ABCA13: variants seen among roughly 807,000 people sequenced by gnomAD.
ABCA13 encodes the protein ATP-binding cassette sub-family A member 13.
A neutral mutation model predicts 478.7 loss-of-function variants in ABCA13; 476 were observed. The ratio of observed to expected loss-of-function variants is 0.99; its 90% confidence interval spans 0.92 to 1.07. ABCA13 has a LOEUF of 1.07. Among genes scored for constraint, ABCA13 ranks in the 50% least tolerant of loss-of-function variants. The probability of loss-of-function intolerance (pLI) is 0.00; values close to 1 mark genes in which losing one functional copy is unlikely to be tolerated. For missense variants in ABCA13, 6,060 were observed against 5,910.6 expected (o/e 1.03, Z -0.83); for synonymous variants, 2,252 against 2,158.9 (o/e 1.04, Z -1.20).
chr7:48,191,792 G>T (rs142572272), intron 1 of ABCA13, among the ~76,000 whole-genome samples: 1 of 152,260 alleles, frequency 6.6e-6, no homozygotes, highest in African/African-American at 2.4e-5. Flanking sequence ...ATGGCTTTAG[G>T]CCACTCATCT....
chr7:48,381,857 A>G (rs1057017070), intron 35 of ABCA13, among the ~76,000 whole-genome samples: 14 of 152,210 alleles, frequency 9.2e-5, no homozygotes, highest in African/African-American at 3.1e-4. Context: ...AGCAGGTTGT[A>G]TGTGCTTCTA....
chr7:48,307,775 G>C (rs1801132392), intron 23 of ABCA13, among the ~76,000 whole-genome samples: 1 of 152,040 alleles, frequency 6.6e-6, no homozygotes, highest in South Asian at 2.1e-4. Flanking sequence ...CCACCTCCTT[G>C]GTTCAAGCAA....
At chr7:48,358,460 A>G (rs868189007) in intron 31 of ABCA13, among the ~76,000 whole-genome samples, 75 of 152,068 alleles carry the variant, frequency 4.9e-4, no homozygotes, top group Middle Eastern at 6.8e-3. Context: ...GTAGTGTGCA[A>G]TGAAGAATAG....
intron 58 of ABCA13, among the ~76,000 whole-genome samples, chr7:48,596,920 G>A (rs1790345254): frequency 6.6e-6 from 1 of 151,976 alleles, no homozygotes; most frequent in South Asian, 2.1e-4. Context: ...CATATAATCA[G>A]TAGTCTGCTG....
At chr7:48,458,676 A>C (rs1825930903) in intron 43 of ABCA13, among the ~76,000 whole-genome samples, 1 of 152,232 alleles carries the variant, frequency 6.6e-6, no homozygotes, top group Non-Finnish European at 1.5e-5. Flanking sequence ...AGCACAAACC[A>C]GAAGAAATGC....
intron 59 of ABCA13, among the ~76,000 whole-genome samples, chr7:48,628,848 G>A (rs1052066863): frequency 6.6e-5 from 10 of 152,080 alleles, no homozygotes; most frequent in African/African-American, 1.4e-4. Context: ...TTTGCTTAAC[G>A]GGAATTCCTT....
chr7:48,480,922 A>G (rs1828689851), intron 45 of ABCA13, 114 bp from the exon 46 acceptor site: 2 of 698,702 alleles, frequency 2.9e-6, no homozygotes, highest in Non-Finnish European at 2.5e-6. Context: ...GCTGCAGATA[A>G]TTTATTAAAA....
intron 55 of ABCA13, among the ~76,000 whole-genome samples, chr7:48,533,641 G>A (rs1833385549): frequency 6.6e-6 from 1 of 151,962 alleles, no homozygotes; most frequent in Non-Finnish European, 1.5e-5. Context: ...TTTTTTAGGT[G>A]TAGTAGTAAT....
chr7:48,626,215 G>A (rs925726814), intron 59 of ABCA13, among the ~76,000 whole-genome samples: 13 of 152,282 alleles, frequency 8.5e-5, no homozygotes, highest in African/African-American at 2.9e-4. Context: ...CCATTAGCAC[G>A]ACAAGAAGGT....
Position 48,331,238 on chromosome 7 carries a change from A to G in ABCA13, c.10000-4184A>G, listed in dbSNP as rs1805353347. On this transcript the variant is annotated intron_variant, in intron 27 of 61. Coordinates refer to ENST00000435803, the MANE Select transcript of ABCA13 (RefSeq NM_152701.5). ...AGAGAGGAATAAATCATTTTCTAAAATTAAAAGTTAGTAGGTGGTGTATAA... is the reference window on the plus strand; with the variant it reads ...AGAGAGGAATAAATCATTTTCTAAAGTTAAAAGTTAGTAGGTGGTGTATAA... Among the ~76,000 whole-genome samples, 3 of 152,222 alleles carry G rather than the reference A, an allele frequency of 2.0e-5. No individual in the cohort carries two copies. In the South Asian group the frequency reaches 6.2e-4, roughly 32 times the overall value.
intron 31 of ABCA13, among the ~76,000 whole-genome samples, chr7:48,357,265 A>G (rs1486487165): frequency 6.6e-6 from 1 of 151,914 alleles, no homozygotes; most frequent in Non-Finnish European, 1.5e-5. Flanking sequence ...TACTTCAGGT[A>G]ACTTTATTAA....
At chr7:48,395,999 T>A (rs1339643873) in intron 38 of ABCA13, among the ~76,000 whole-genome samples, 1 of 152,060 alleles carries the variant, frequency 6.6e-6, no homozygotes, top group African/African-American at 2.4e-5. Flanking sequence ...AAGTGATGAG[T>A]TTGTCTTAGA....
intron 42 of ABCA13, among the ~76,000 whole-genome samples, chr7:48,442,827 GA>G (rs566860161): frequency 2.2e-3 from 329 of 152,260 alleles, no homozygotes; most frequent in Middle Eastern, 6.8e-3. Context: ...TGGTGTGATG[GA>G]AAAAGAATTC....
intron 41 of ABCA13, among the ~76,000 whole-genome samples, chr7:48,416,597 TC>T (rs1354914165): frequency 6.6e-6 from 1 of 152,122 alleles, no homozygotes; most frequent in Non-Finnish European, 1.5e-5. Flanking sequence ...CGACATTTGT[TC>T]TGCTTGATAG....
At chr7:48,343,977 A>T (rs1807658431) in intron 29 of ABCA13, among the ~76,000 whole-genome samples, 2 of 152,186 alleles carry the variant, frequency 1.3e-5, no homozygotes, top group African/African-American at 2.4e-5. Context: ...TTATTTTAAA[A>T]TTACTATTAC....
In ABCA13 at chr7:48,506,524, A is replaced by C. The variant is rs954964692; in HGVS notation, c.13346+134A>C. On this transcript the variant is annotated intron_variant, in intron 49 of 61. Transcript: ENST00000435803. Reference sequence around the variant, plus strand: ...CTTATAGAGTTAGCAGGAAATGCCCACAGGACTTGGGCATTTCTTTGCAAA... The same window carrying C: ...CTTATAGAGTTAGCAGGAAATGCCCCCAGGACTTGGGCATTTCTTTGCAAA... The C allele has an allele frequency of 6.2e-6, 6 of 967,490 alleles. No homozygotes were observed. In the East Asian group the frequency reaches 1.3e-4, roughly 20 times the overall value. The allele number at this position is 967,490 out of a possible 1,614,324, so 59.9% of individuals were successfully genotyped here.
At chr7:48,247,653 G>C (rs1176049430) in intron 13 of ABCA13, among the ~76,000 whole-genome samples, 1 of 152,146 alleles carries the variant, frequency 6.6e-6, no homozygotes, top group African/African-American at 2.4e-5. Context: ...TGGTTAGCTA[G>C]GATACTGAGA....
intron 48 of ABCA13, among the ~76,000 whole-genome samples, chr7:48,496,748 G>GA (rs1184645597): frequency 3.3e-5 from 5 of 152,060 alleles, no homozygotes; most frequent in Non-Finnish European, 5.9e-5. Context: ...CTCAGCACTT[G>GA]AAAAATGTGC....
At chr7:48,570,319 CTTT>C (rs35693419) in intron 55 of ABCA13, among the ~76,000 whole-genome samples, 65 of 88,202 alleles carry the variant, frequency 7.4e-4, no homozygotes, top group African/African-American at 3.1e-3. Flanking sequence ...TTTGCATCCT[CTTT>C]TTTTTTTTTT....
Sources: gnomAD v4.1 joint callset for allele counts (sites outside exome capture counted in the v4.1 genomes callset) on GRCh38, gnomAD v4.1.1 for gene constraint, MANE v1.5 for transcripts, NCBI Gene and HGNC (gene_info 2026-07-23, HGNC 2026-07-21) for gene names.